The following HUNK variants were observed in gnomAD, a reference collection of about 807,000 sequenced individuals.
The protein encoded by HUNK is hormonally up-regulated neu tumor-associated kinase.
Under a neutral mutation model 61.0 loss-of-function variants are expected in HUNK, and 21 were observed. The observed-to-expected ratio is 0.34, with a 90% CI of 0.24 to 0.50. HUNK has a LOEUF of 0.50. Among genes scored for constraint, HUNK ranks in the 20% least tolerant of loss-of-function variants. The pLI, the probability that HUNK is intolerant of heterozygous loss-of-function variation, is 0.98. For missense variants in HUNK, 772 were observed against 945.7 expected (o/e 0.82, Z 2.41); for synonymous variants, 371 against 386.1 (o/e 0.96, Z 0.46).
chr21:31,952,437 T>C (rs763437980), intron 4 of HUNK, among the ~76,000 whole-genome samples: 1 of 152,186 alleles, frequency 6.6e-6, no homozygotes, highest in Admixed American at 6.5e-5. Context: ...CACATGCCCC[T>C]TAAGAACGAG....
chr21:31,921,154 C>CAAAAAAAAAAAAAAAA (rs751938845), intron 1 of HUNK, among the ~76,000 whole-genome samples: 1 of 39,374 alleles, frequency 2.5e-5, no homozygotes, highest in Admixed American at 4.6e-4. Context: ...GATTCCATCT[C>CAAAAAAAAAAAAAAAA]AAAAAAAAAA....
chr21:31,964,143 A>C (rs2052947638), intron 5 of HUNK, among the ~76,000 whole-genome samples: 1 of 152,170 alleles, frequency 6.6e-6, no homozygotes, highest in Non-Finnish European at 1.5e-5. Context: ...CCAAGCAGTC[A>C]CTTCAGGTTA....
intron 1 of HUNK, among the ~76,000 whole-genome samples, chr21:31,908,481 G>A (rs2052522979): frequency 6.6e-6 from 1 of 152,078 alleles, no homozygotes; most frequent in Admixed American, 6.5e-5. Flanking sequence ...CATCGTAGGG[G>A]AGGGGCAAGG....
intron 6 of HUNK, among the ~76,000 whole-genome samples, chr21:31,971,388 C>T (rs1040249250): frequency 1.3e-5 from 2 of 152,022 alleles, no homozygotes; most frequent in African/African-American, 2.4e-5. Flanking sequence ...AACCAGAATT[C>T]TAGGCTGTTG....
intron 1 of HUNK, among the ~76,000 whole-genome samples, chr21:31,874,611 T>G (rs1021141548): frequency 2.5e-4 from 34 of 134,262 alleles, no homozygotes; most frequent in African/African-American, 7.9e-4. Flanking sequence ...CCCACCATTC[T>G]CATCCCCGCC....
chr21:31,922,382 A>G (rs1323316648), intron 1 of HUNK, among the ~76,000 whole-genome samples: 1 of 147,622 alleles, frequency 6.8e-6, no homozygotes, highest in Non-Finnish European at 1.5e-5. Context: ...TCTGGAGTGC[A>G]ATGGCACAAT....
chr21:31,988,478 A>G (rs574345132), intron 8 of HUNK, among the ~76,000 whole-genome samples: 1 of 152,242 alleles, frequency 6.6e-6, no homozygotes, highest in East Asian at 1.9e-4. Context: ...TGCTCTAACA[A>G]GCACCACAAA....
chr21:31,893,128 T>C (rs1487697579), intron 1 of HUNK, among the ~76,000 whole-genome samples: 1 of 152,014 alleles, frequency 6.6e-6, no homozygotes, highest in African/African-American at 2.4e-5. Context: ...ATCGTATGCA[T>C]GGGAGTCCCA....
chr21:31,904,259 C>T (rs1486124162), intron 1 of HUNK, among the ~76,000 whole-genome samples: 5 of 152,072 alleles, frequency 3.3e-5, no homozygotes, highest in Admixed American at 3.3e-4. Context: ...CCCCTTCTGT[C>T]TCTGTTTACA....
chr21:31,890,267 T>TG (rs1254208807), intron 1 of HUNK, among the ~76,000 whole-genome samples: 3 of 152,166 alleles, frequency 2.0e-5, no homozygotes, highest in African/African-American at 7.2e-5. Flanking sequence ...CTCGCTCTGT[T>TG]GCTCAGGCTG....
chr21:31,904,135 C>T (rs1315756819), intron 1 of HUNK, among the ~76,000 whole-genome samples: 1 of 151,772 alleles, frequency 6.6e-6, no homozygotes, highest in Non-Finnish European at 1.5e-5. Flanking sequence ...ATCTAGTATA[C>T]AAATCATGGC....
intron 1 of HUNK, among the ~76,000 whole-genome samples, chr21:31,889,764 A>C (rs1255111909): frequency 6.6e-6 from 1 of 152,160 alleles, no homozygotes; most frequent in Non-Finnish European, 1.5e-5. Context: ...TATTACTCTG[A>C]GATGCTTTTT....
Position 31,998,944 on chromosome 21 carries a change from C to T in HUNK, c.1905C>T (p.Gly635=). ...AGAACAGCCCCCCAAAAGAGGAGGGCCTGTGTTGCCCACCTCCGGTTCCCA... is the reference window on the plus strand; with the variant it reads ...AGAACAGCCCCCCAAAAGAGGAGGGTCTGTGTTGCCCACCTCCGGTTCCCA... ...EDKNSPPKEE[G]LCCPPPVPSN... The change falls in exon 11 of 11, where the codon GGC becomes GGT. Residue 635 remains glycine (G), a synonymous_variant. Transcript: ENST00000270112. 1.2e-6 allele frequency: 2 copies of T among 1,614,240 alleles called. No individual in the cohort carries two copies. Among genetic ancestry groups the T allele is most frequent in the Admixed American group, 1.7e-5 (1 of 60,030 alleles).
intron 7 of HUNK, among the ~76,000 whole-genome samples, chr21:31,979,716 C>T (rs914223716): frequency 1.1e-4 from 16 of 151,590 alleles, no homozygotes; most frequent in African/African-American, 2.7e-4. Flanking sequence ...AGGGTTTCAC[C>T]GTGTTAGCCA....
Position 31,943,912 on chromosome 21 carries a change from T to A in HUNK, c.611-2124T>A, listed in dbSNP as rs183564369. 1.7e-4 allele frequency among the ~76,000 whole-genome samples: 26 copies of A among 152,378 alleles called. No homozygotes were observed. The East Asian group carries it at 5.0e-3, about 29-fold the overall frequency. ...GAGATAACAATTTCCAGGACTCTGA[T>A]GAAATTGGGCCTCCCCAGCTATTAT... is the stretch of plus-strand genomic sequence containing the variant. On this transcript the variant is annotated intron_variant, in intron 3 of 10. Transcript: ENST00000270112.
chr21:31,889,256 G>T (rs2052370012), intron 1 of HUNK, among the ~76,000 whole-genome samples: 1 of 152,210 alleles, frequency 6.6e-6, no homozygotes, highest in South Asian at 2.1e-4. Flanking sequence ...TTAGTCCCCG[G>T]TTGGGCTGAG....
intron 1 of HUNK, among the ~76,000 whole-genome samples, chr21:31,889,915 A>G (rs147169511): frequency 8.5e-5 from 13 of 152,322 alleles, no homozygotes; most frequent in African/African-American, 2.9e-4. Flanking sequence ...GGGACATATT[A>G]CTCAACAGTG....
chr21:31,969,740 A>G (rs879349018), intron 6 of HUNK, among the ~76,000 whole-genome samples: 3 of 150,836 alleles, frequency 2.0e-5, no homozygotes, highest in Non-Finnish European at 3.0e-5. Flanking sequence ...CACATTTTCT[A>G]TTTTTCTTCA....
At chr21:31,979,381 T>G (rs1177610515) in intron 7 of HUNK, among the ~76,000 whole-genome samples, 1 of 151,826 alleles carries the variant, frequency 6.6e-6, no homozygotes, top group East Asian at 1.9e-4. Context: ...CCTCCCAAAG[T>G]GCTGGGATTA....
Sources: gnomAD v4.1 joint callset for allele counts (sites outside exome capture counted in the v4.1 genomes callset) on GRCh38, gnomAD v4.1.1 for gene constraint, MANE v1.5 for transcripts, NCBI Gene and HGNC (gene_info 2026-07-23, HGNC 2026-07-21) for gene names.